Variants in PPP2R2B observed in about 807,000 individuals in gnomAD.
The protein encoded by PPP2R2B is serine/threonine-protein phosphatase 2A 55 kDa regulatory subunit B beta isoform.
A neutral mutation model predicts 46.0 loss-of-function variants in PPP2R2B; 5 were observed. The ratio of observed to expected loss-of-function variants is 0.11; its 90% CI spans 0.06 to 0.23. The LOEUF (loss-of-function observed/expected upper bound fraction) is 0.23. Ranked by LOEUF, PPP2R2B falls within the 10% of genes least tolerant of loss-of-function variation. The pLI is 1.00. For synonymous variants in PPP2R2B, 215 were observed against 206.7 expected (o/e 1.04, Z -0.34); for missense variants, 367 against 575.0 (o/e 0.64, Z 3.70).
chr5:146,752,896 G>A (rs1753638499), intron 2 of PPP2R2B, among the ~76,000 whole-genome samples: 1 of 152,204 alleles, frequency 6.6e-6, no homozygotes, highest in African/African-American at 2.4e-5. Flanking sequence ...GTATGAAAGT[G>A]TATTATCTGG....
chr5:147,007,945 G>T (rs1754524243), intron 1 of PPP2R2B, among the ~76,000 whole-genome samples: 1 of 152,288 alleles, frequency 6.6e-6, no homozygotes, highest in Non-Finnish European at 1.5e-5. Context: ...CCACTGGAAG[G>T]AACCAATTCC....
At chr5:147,001,716 T>A (rs891282359) in intron 1 of PPP2R2B, among the ~76,000 whole-genome samples, 2 of 152,146 alleles carry the variant, frequency 1.3e-5, no homozygotes, top group African/African-American at 4.8e-5. Context: ...CTATTTTTCC[T>A]TAGAATCTGG....
chr5:146,676,584 T>G (rs1475702821), intron 5 of PPP2R2B, among the ~76,000 whole-genome samples: 2 of 152,170 alleles, frequency 1.3e-5, no homozygotes, highest in South Asian at 2.1e-4. Context: ...CTGCTCTCCC[T>G]GAAAAGATCA....
chr5:147,031,060 C>T (rs1402573628), intron 1 of PPP2R2B, among the ~76,000 whole-genome samples: 3 of 152,070 alleles, frequency 2.0e-5, no homozygotes, highest in Non-Finnish European at 4.4e-5. Context: ...CACGGTAAAA[C>T]CCCGTCTCTA....
intron 7 of PPP2R2B, among the ~76,000 whole-genome samples, chr5:146,622,672 CCCCCTTCCACCA>C (rs1253236331): frequency 3.9e-5 from 6 of 152,172 alleles, no homozygotes; most frequent in African/African-American, 1.4e-4. Context: ...TGCTCCCTCT[CCCCCTTCCACCA>C]CCCCTTGATA....
chr5:146,700,117 G>T (rs1199928043), intron 3 of PPP2R2B, among the ~76,000 whole-genome samples: 1 of 152,062 alleles, frequency 6.6e-6, no homozygotes, highest in African/African-American at 2.4e-5. Context: ...TTTGAGGGGA[G>T]GTGTACTGCA....
chr5:146,694,679 CATTTT>C (rs1404226418), intron 4 of PPP2R2B, among the ~76,000 whole-genome samples: 2 of 151,804 alleles, frequency 1.3e-5, no homozygotes, highest in African/African-American at 4.8e-5. Context: ...TGTATTTTCT[CATTTT>C]ATTTCCTTCT....
intron 1 of PPP2R2B, chr5:147,081,184 T>C (rs1045133615): frequency 3.9e-5 from 60 of 1,535,072 alleles, no homozygotes; most frequent in Middle Eastern, 1.7e-4. Flanking sequence ...GAGCTCCCAG[T>C]TGTTCTTAAG....
At chr5:146,808,688 A>G (rs1462765387) in intron 2 of PPP2R2B, among the ~76,000 whole-genome samples, 3 of 148,182 alleles carry the variant, frequency 2.0e-5, no homozygotes, top group Admixed American at 1.3e-4. Context: ...ACAACTCCTC[A>G]TTTCTATCAG....
At chr5:146,931,112 T>G (rs2151821943) in intron 1 of PPP2R2B, among the ~76,000 whole-genome samples, 1 of 152,278 alleles carries the variant, frequency 6.6e-6, no homozygotes, top group Admixed American at 6.5e-5. Context: ...TATACTTCTA[T>G]AGTTGAGCTC....
At chr5:146,897,822 G>A (rs1762695679) in intron 1 of PPP2R2B, among the ~76,000 whole-genome samples, 2 of 152,036 alleles carry the variant, frequency 1.3e-5, no homozygotes, top group Admixed American at 1.3e-4. Context: ...AAAAAAACAT[G>A]GAATTAAAAA....
At chr5:147,006,175 A>G (rs1249150693) in intron 1 of PPP2R2B, among the ~76,000 whole-genome samples, 1 of 152,214 alleles carries the variant, frequency 6.6e-6, no homozygotes, top group South Asian at 2.1e-4. Flanking sequence ...CGCAATGGGT[A>G]CTCAATAAGT....
chr5:146,652,241 C>T (rs1439787430), intron 5 of PPP2R2B, among the ~76,000 whole-genome samples: 1 of 152,186 alleles, frequency 6.6e-6, no homozygotes, highest in Non-Finnish European at 1.5e-5. Flanking sequence ...AGCTCAATTG[C>T]ACTGTCTGCA....
chr5:146,976,042 T>G lies in PPP2R2B; in HGVS notation c.79+79623A>C, dbSNP rs74735371. Among the ~76,000 whole-genome samples the G allele has an allele frequency of 8.8e-3, 1,339 of 151,548 alleles. 64 individuals are homozygous for G. In the East Asian group the frequency reaches 0.14, roughly 16 times the overall value. On this transcript the variant is annotated intron_variant, in intron 1 of 8. Transcript: ENST00000336640. ...CCTGGTATCATATCCAAGAAATCATTGCCAAATTCAATGTCATAAAGCTTC... is the reference window on the plus strand; with the variant it reads ...CCTGGTATCATATCCAAGAAATCATGGCCAAATTCAATGTCATAAAGCTTC...
chr5:146,908,592 G>A (rs1277165701), intron 1 of PPP2R2B, among the ~76,000 whole-genome samples: 1 of 150,510 alleles, frequency 6.6e-6, no homozygotes, highest in East Asian at 2.0e-4. Flanking sequence ...TCCATTAACA[G>A]AAAAAGTTTA....
In PPP2R2B at chr5:146,590,175, G is replaced by A. The variant is rs774138357; in HGVS notation, c.1104C>T (p.Asn368=). The change falls in exon 10 of 10, where the codon AAC becomes AAT. Residue 368 remains asparagine, a synonymous_variant. Transcript: ENST00000394411. ...YNNFFRMFDR[N]TKRDVTLEAS... ...CCTCAAGGGTCACATCACGCTTGGT[G>A]TTTCTGTCGAACATCCTGAAGAAGT... The A allele has an allele frequency of 6.2e-6, 10 of 1,613,766 alleles. No homozygotes were observed. Among genetic ancestry groups the A allele is most frequent in the Admixed American group, 3.3e-5 (2 of 60,004 alleles).
At chr5:147,061,975 T>G (rs959829375) in intron 2 of PPP2R2B, among the ~76,000 whole-genome samples, 2 of 151,598 alleles carry the variant, frequency 1.3e-5, no homozygotes, top group Admixed American at 1.3e-4. Flanking sequence ...TTGTTTGTTT[T>G]TTGGTTCTGA....
chr5:147,003,197 G>A (rs1368246881), intron 1 of PPP2R2B, among the ~76,000 whole-genome samples: 1 of 152,048 alleles, frequency 6.6e-6, no homozygotes, highest in African/African-American at 2.4e-5. Flanking sequence ...GGACCTCTCA[G>A]CTTACCTCCA....
At chr5:146,673,055 T>C (rs561608279) in intron 5 of PPP2R2B, among the ~76,000 whole-genome samples, 2 of 152,332 alleles carry the variant, frequency 1.3e-5, no homozygotes, top group Non-Finnish European at 1.5e-5. Flanking sequence ...TGTTCATACA[T>C]TTTTCTTTCT....
Sources: gnomAD v4.1 joint callset for allele counts (sites outside exome capture counted in the v4.1 genomes callset) on GRCh38, gnomAD v4.1.1 for gene constraint, MANE v1.5 for transcripts, NCBI Gene and HGNC (gene_info 2026-07-23, HGNC 2026-07-21) for gene names.